TENM1: variants seen among roughly 807,000 people sequenced by gnomAD.
TENM1 encodes teneurin transmembrane protein 1.
TENM1 carries 35 observed loss-of-function variants against 174.8 expected under a neutral mutation model. That is an observed-to-expected ratio of 0.20 (90% CI 0.15 to 0.27). The LOEUF is 0.27. Among genes scored for constraint, TENM1 ranks in the 10% least tolerant of loss-of-function variants. TENM1 has a pLI of 1.00. For missense variants in TENM1, 1,633 were observed against 2,130.1 expected, an observed-to-expected ratio of 0.77 and a Z score of 4.59; for synonymous variants, 781 against 798.7, an observed-to-expected ratio of 0.98 and a Z score of 0.37.
chrX:124,978,441 T>C, the TENM1 span, among the ~76,000 whole-genome samples: 14 of 112,133 alleles, frequency 1.2e-4, 1 homozygote, highest in Non-Finnish European at 9.4e-5. Flanking sequence ...TGTTGAAAAC[T>C]GGACATTTTA....
At chrX:125,062,422 C>T in the TENM1 span, among the ~76,000 whole-genome samples, 1 of 111,598 alleles carries the variant, frequency 9.0e-6, no homozygotes, top group Non-Finnish European at 1.9e-5. Context: ...TAAGGTCTGA[C>T]TCACAAAACC....
chrX:124,915,378 A>G (rs1376661089), intron 1 of TENM1, among the ~76,000 whole-genome samples: 1 of 111,684 alleles, frequency 9.0e-6, no homozygotes, highest in Non-Finnish European at 1.9e-5. Context: ...TACAAAAATT[A>G]GCCAGGCATA....
the TENM1 span, among the ~76,000 whole-genome samples, chrX:125,061,829 G>A: frequency 9.2e-6 from 1 of 108,981 alleles, no homozygotes; most frequent in Non-Finnish European, 1.9e-5. Flanking sequence ...GCTTGAACCC[G>A]GGAGGCAGAG....
chrX:125,070,704 G>C, the TENM1 span, among the ~76,000 whole-genome samples: 1 of 111,650 alleles, frequency 9.0e-6, no homozygotes, highest in Non-Finnish European at 1.9e-5. Context: ...ATATCTAAAG[G>C]ACTGTAATGT....
chrX:124,380,509 G>T, exon 32 of TENM1: 1 of 1,160,052 alleles, frequency 8.6e-7, no homozygotes, highest in Non-Finnish European at 1.2e-6. Context: ...GGCAGTCTTT[G>T]GTGACGCAAA....
At chrX:124,569,115 T>G (rs2049000717) in intron 11 of TENM1, among the ~76,000 whole-genome samples, 1 of 111,072 alleles carries the variant, frequency 9.0e-6, no homozygotes, top group Non-Finnish European at 1.9e-5. Flanking sequence ...GGAGGATTGC[T>G]TGAGCCCAGG....
At chrX:124,436,495 T>C (rs1237164954) in intron 23 of TENM1, among the ~76,000 whole-genome samples, 2 of 108,804 alleles carry the variant, frequency 1.8e-5, no homozygotes, top group Non-Finnish European at 3.8e-5. Context: ...AGCTGGCATC[T>C]TCTTTTTTTT....
intron 3 of TENM1, among the ~76,000 whole-genome samples, chrX:124,752,633 G>A (rs1368648792): frequency 1.6e-4 from 18 of 111,704 alleles, no homozygotes; most frequent in Non-Finnish European, 2.4e-4. Context: ...TAGGTCTAAC[G>A]TTTAAGTCTT....
intron 27 of TENM1, among the ~76,000 whole-genome samples, chrX:124,398,088 C>T (rs1431159427): frequency 9.2e-6 from 1 of 108,732 alleles, no homozygotes; most frequent in South Asian, 4.2e-4. Flanking sequence ...ATTAGCCGGG[C>T]GTGGTGGCAG....
intron 18 of TENM1, among the ~76,000 whole-genome samples, chrX:124,515,098 C>A (rs925851628): frequency 1.7e-4 from 19 of 111,706 alleles, no homozygotes; most frequent in Non-Finnish European, 3.2e-4. Context: ...AAGAAAAAAA[C>A]CACTTGATCT....
chrX:124,652,544 C>T (rs1226634471), intron 7 of TENM1, among the ~76,000 whole-genome samples: 4 of 111,823 alleles, frequency 3.6e-5, no homozygotes, highest in Non-Finnish European at 3.8e-5. Flanking sequence ...AGAAAGAAAT[C>T]TTGTTTAGTA....
At chrX:124,657,131 T>A (rs1165868320) in intron 6 of TENM1, among the ~76,000 whole-genome samples, 2 of 111,792 alleles carry the variant, frequency 1.8e-5, no homozygotes, top group African/African-American at 6.5e-5. Context: ...CTAATTGGCA[T>A]TTAATCTCTT....
chrX:124,613,016 T>C (rs1423147429), intron 11 of TENM1, among the ~76,000 whole-genome samples: 1 of 111,298 alleles, frequency 9.0e-6, no homozygotes, highest in African/African-American at 3.3e-5. Context: ...ATTAATTCCA[T>C]CCTATGGATG....
chrX:124,600,040 G>A (rs757114563), intron 11 of TENM1, among the ~76,000 whole-genome samples: 19 of 108,186 alleles, frequency 1.8e-4, no homozygotes, highest in South Asian at 4.0e-4. Flanking sequence ...GTGTGTGTGT[G>A]TATATATATA....
chrX:124,862,627 G>A, intron 3 of TENM1, among the ~76,000 whole-genome samples: 1 of 111,257 alleles, frequency 9.0e-6, no homozygotes, highest in African/African-American at 3.3e-5. Flanking sequence ...ACTTGAGTGG[G>A]TACAAACCTC....
chrX:124,832,031 C>T (rs2056300392), intron 3 of TENM1, among the ~76,000 whole-genome samples: 1 of 111,500 alleles, frequency 9.0e-6, no homozygotes, highest in Non-Finnish European at 1.9e-5. Flanking sequence ...ATGCAAGTTA[C>T]TAGTATGAAT....
the TENM1 span, among the ~76,000 whole-genome samples, chrX:125,193,692 T>C: frequency 1.8e-5 from 2 of 111,704 alleles, no homozygotes; most frequent in East Asian, 5.6e-4. Flanking sequence ...CTGTATATAC[T>C]CTCTAGCTAA....
intron 1 of TENM1, among the ~76,000 whole-genome samples, chrX:124,962,856 AAAAC>A (rs1569490375): frequency 9.0e-6 from 1 of 111,685 alleles, no homozygotes; most frequent in Non-Finnish European, 1.9e-5. Flanking sequence ...ACAAAACAAA[AAAAC>A]AAAAAACCTT....
At chrX:124,555,298 T>C (rs1461992116) in intron 14 of TENM1, among the ~76,000 whole-genome samples, 1 of 111,842 alleles carries the variant, frequency 8.9e-6, no homozygotes, top group Non-Finnish European at 1.9e-5. Context: ...CCCTGACTCA[T>C]GTGAGGCCTC....
Sources: gnomAD v4.1 joint callset for allele counts (sites outside exome capture counted in the v4.1 genomes callset) on GRCh38, gnomAD v4.1.1 for gene constraint, MANE v1.5 for transcripts, NCBI Gene and HGNC (gene_info 2026-07-23, HGNC 2026-07-21) for gene names.